The following RAP1A variants were observed in gnomAD, a reference collection of about 807,000 sequenced individuals.
RAP1A encodes the protein RAP1A, member of RAS oncogene family.
RAP1A carries 6 observed loss-of-function variants against 26.4 expected under a neutral mutation model. The ratio of observed to expected loss-of-function variants is 0.23; its 90% CI spans 0.12 to 0.45. RAP1A has a LOEUF of 0.45. Among genes scored for constraint, RAP1A ranks in the 20% least tolerant of loss-of-function variants. The pLI, the probability that RAP1A is intolerant of heterozygous loss-of-function variation, is 0.99. For missense variants in RAP1A, 121 were observed against 217.2 expected, an observed-to-expected ratio of 0.56 and a Z score of 2.78; for synonymous variants, 73 against 79.4, an observed-to-expected ratio of 0.92 and a Z score of 0.43.
intron 1 of RAP1A, among the ~76,000 whole-genome samples, chr1:111,669,989 A>T (rs1182884215): frequency 1.3e-5 from 2 of 152,244 alleles, no homozygotes; most frequent in East Asian, 3.8e-4. Context: ...TAGTAACTAC[A>T]GTGTACTCAG....
At chr1:111,586,734 A>G (rs1260773908) in intron 1 of RAP1A, among the ~76,000 whole-genome samples, 4 of 152,226 alleles carry the variant, frequency 2.6e-5, no homozygotes, top group Non-Finnish European at 5.9e-5. Context: ...GGACTGAATG[A>G]AAGTATAGAT....
At chr1:111,555,354 A>T (rs1657441865) in intron 1 of RAP1A, among the ~76,000 whole-genome samples, 1 of 105,014 alleles carries the variant, frequency 9.5e-6, no homozygotes. Context: ...TGACAGACTG[A>T]GACTCTGTAA....
chr1:111,625,462 G>A (rs1659369277), intron 1 of RAP1A, among the ~76,000 whole-genome samples: 1 of 152,074 alleles, frequency 6.6e-6, no homozygotes, highest in Non-Finnish European at 1.5e-5. Flanking sequence ...TCTTATTGCT[G>A]ACTATACATT....
At position 111,561,871 on chromosome 1, in the gene RAP1A, A is replaced by AT. The variant is rs933304095; in HGVS notation, c.-28+19367dup. On this transcript the variant is annotated intron_variant, in intron 1 of 7. Transcript: ENST00000356415. The stretch of plus-strand genomic sequence containing the variant: ...CTATAGTCCTAACTCAGGGCCAAGC[A>AT]TTTTTGGCCCGGACTTTTTCAACAC... 9.3e-4 allele frequency among the ~76,000 whole-genome samples: 141 copies of AT among 152,026 alleles called. 1 individual carries two copies. The highest frequency in any genetic ancestry group is 3.2e-3 in the African/African-American group (133 of 41,448).
intron 1 of RAP1A, among the ~76,000 whole-genome samples, chr1:111,549,674 T>A (rs538344566): frequency 2.0e-5 from 3 of 147,500 alleles, no homozygotes; most frequent in African/African-American, 7.5e-5. Context: ...AAAGACAAGA[T>A]CTCTCTCTCT....
chr1:111,628,834 T>G (rs1390792325), intron 1 of RAP1A, among the ~76,000 whole-genome samples: 1 of 152,202 alleles, frequency 6.6e-6, no homozygotes, highest in Non-Finnish European at 1.5e-5. Context: ...CAGTACACTT[T>G]GGTTGTTACT....
chr1:111,559,360 T>A (rs1391549658), intron 1 of RAP1A, among the ~76,000 whole-genome samples: 1 of 152,202 alleles, frequency 6.6e-6, no homozygotes, highest in Non-Finnish European at 1.5e-5. Flanking sequence ...ACACCCACTA[T>A]TAGGCATTTA....
intron 1 of RAP1A, among the ~76,000 whole-genome samples, chr1:111,657,013 C>A (rs781215072): frequency 6.6e-6 from 1 of 151,726 alleles, no homozygotes; most frequent in Non-Finnish European, 1.5e-5. Context: ...CCCCCTTCTC[C>A]GCCCCCAACA....
upstream of RAP1A, among the ~76,000 whole-genome samples, chr1:111,616,667 C>T (rs75088003): frequency 2.8e-3 from 420 of 152,332 alleles, 12 homozygotes; most frequent in East Asian, 0.055. Context: ...TTACATAATA[C>T]TCCTACCCCT....
At chr1:111,709,998 A>C (rs1440799243) in intron 7 of RAP1A, among the ~76,000 whole-genome samples, 1 of 152,210 alleles carries the variant, frequency 6.6e-6, no homozygotes, top group Non-Finnish European at 1.5e-5. Context: ...TTGGGTATAT[A>C]TCTAAGAATG....
At chr1:111,577,582 G>C (rs1221229714) in intron 1 of RAP1A, among the ~76,000 whole-genome samples, 1 of 151,932 alleles carries the variant, frequency 6.6e-6, no homozygotes. Context: ...GCTTCATTCA[G>C]ACTGTAAGAT....
intron 1 of RAP1A, among the ~76,000 whole-genome samples, chr1:111,663,095 G>T (rs1017744072): frequency 2.0e-5 from 3 of 152,098 alleles, no homozygotes; most frequent in Non-Finnish European, 2.9e-5. Flanking sequence ...TGTATTTTTA[G>T]TAGAGACAGG....
intron 1 of RAP1A, among the ~76,000 whole-genome samples, chr1:111,661,853 A>G (rs1006956496): frequency 6.6e-6 from 1 of 150,980 alleles, no homozygotes; most frequent in African/African-American, 2.4e-5. Flanking sequence ...TTTTGGTTCC[A>G]TGGTAAGAAA....
chr1:111,702,313 A>G (rs1015258040), intron 4 of RAP1A, among the ~76,000 whole-genome samples: 12 of 152,146 alleles, frequency 7.9e-5, no homozygotes, highest in African/African-American at 2.7e-4. Context: ...TAATATATAT[A>G]TATAATACCA....
intron 1 of RAP1A, chr1:111,648,207 T>TGTA (rs1557877258): frequency 0.051 from 3,487 of 68,226 alleles, 6 homozygotes; most frequent in Middle Eastern, 0.067. Context: ...GTGTGTGTAT[T>TGTA]TTTTTTTTTT....
chr1:111,568,954 C>T (rs531627132), intron 1 of RAP1A, among the ~76,000 whole-genome samples: 5 of 152,094 alleles, frequency 3.3e-5, no homozygotes, highest in South Asian at 4.2e-4. Flanking sequence ...ATTTTCTTTT[C>T]GCTAGCTTAC....
rs116112222 is a variant in RAP1A at position 111,560,515 on chromosome 1, A to G, written c.-28+18006A>G. Among the ~76,000 whole-genome samples, 1,325 of 137,490 alleles carry G rather than the reference A, an allele frequency of 9.6e-3. 20 individuals carry two copies. Among genetic ancestry groups the G allele is most frequent in the African/African-American group, 0.038 (1,254 of 33,210 alleles). The allele number at this position is 137,490 out of a possible 152,430, so 90.2% of individuals were successfully genotyped here. A position where few individuals can be genotyped will look rare whatever the true frequency, so the allele number is the denominator to read the frequency against. On this transcript the variant is annotated intron_variant, in intron 1 of 7. Transcript: ENST00000356415. ...AATGTTTTACTTATTAATTAGAGAC[A>G]GGGTCTTCTGTCACTGAGGCTGGAG...
intron 1 of RAP1A, among the ~76,000 whole-genome samples, chr1:111,641,412 G>C (rs1345823972): frequency 6.6e-6 from 1 of 152,124 alleles, no homozygotes; most frequent in African/African-American, 2.4e-5. Flanking sequence ...ATTTAACTGG[G>C]AGCTTTGAGA....
chr1:111,609,016 G>A (rs1448002135), intron 1 of RAP1A, among the ~76,000 whole-genome samples: 1 of 152,212 alleles, frequency 6.6e-6, no homozygotes, highest in Admixed American at 6.5e-5. Context: ...ATCACAAATT[G>A]GTTCTGGAAC....
Sources: allele counts gnomAD v4.1 joint callset (sites outside exome capture counted in the v4.1 genomes callset), GRCh38; gene constraint gnomAD v4.1.1; transcripts MANE v1.5; gene names NCBI Gene and HGNC (gene_info 2026-07-23, HGNC 2026-07-21).